TTBK2: variants seen among roughly 807,000 people sequenced by gnomAD.
The protein encoded by TTBK2 is tau tubulin kinase 2.
In TTBK2, 28 loss-of-function variants were observed where a neutral mutation model predicts 110.8. That is an observed-to-expected ratio of 0.25 (90% CI 0.19 to 0.35). TTBK2 has a LOEUF of 0.35. TTBK2 is among the 10% of genes least tolerant of loss of function. The pLI is 1.00. For synonymous variants in TTBK2, 532 were observed against 527.3 expected (o/e 1.01, Z -0.12); for missense variants, 1,369 against 1,500.3 (o/e 0.91, Z 1.45).
intron 13 of TTBK2, among the ~76,000 whole-genome samples, chr15:42,762,321 T>C (rs562991578): frequency 6.6e-6 from 1 of 152,170 alleles, no homozygotes; most frequent in Admixed American, 6.5e-5. Flanking sequence ...GATCAGTATA[T>C]TGAAGAGATA....
chr15:42,785,491 G>T (rs1272336180), intron 10 of TTBK2, among the ~76,000 whole-genome samples: 1 of 152,148 alleles, frequency 6.6e-6, no homozygotes, highest in Non-Finnish European at 1.5e-5. Context: ...GGAAATTCTT[G>T]CCCTAGAGGG....
intron 1 of TTBK2, among the ~76,000 whole-genome samples, chr15:42,884,470 T>C (rs976667554): frequency 1.3e-5 from 2 of 152,160 alleles, no homozygotes; most frequent in Non-Finnish European, 2.9e-5. Flanking sequence ...TCCAGATAGA[T>C]AAAAGATGAT....
intron 1 of TTBK2, among the ~76,000 whole-genome samples, chr15:42,902,630 C>G (rs1028850434): frequency 2.6e-5 from 4 of 152,096 alleles, no homozygotes; most frequent in African/African-American, 9.7e-5. Flanking sequence ...AAATTAGAGC[C>G]ATTCTGCATT....
intron 1 of TTBK2, among the ~76,000 whole-genome samples, chr15:42,916,581 T>C (rs998777317): frequency 2.2e-4 from 33 of 152,190 alleles, no homozygotes; most frequent in African/African-American, 7.5e-4. Flanking sequence ...ATTACCTACC[T>C]TGGCCTCCCA....
At chr15:42,842,088 G>T (rs1199795683) in intron 3 of TTBK2, among the ~76,000 whole-genome samples, 1 of 152,114 alleles carries the variant, frequency 6.6e-6, no homozygotes, top group East Asian at 1.9e-4. Flanking sequence ...TTAAAGACAG[G>T]GTCTCAATAT....
chr15:42,817,071 C>T lies in TTBK2; in HGVS notation c.564G>A (p.Gly188=). Residue 188 remains glycine (G), a synonymous_variant, in exon 7 of 15, where the codon GGG becomes GGA. Coordinates refer to ENST00000267890, the MANE Select transcript of TTBK2 (RefSeq NM_173500.4). ...CGTTGATTGATGCATAACGAACTGTCCCTCGAAAACCTGCCACAGCTCGAG... is the reference window on the plus strand; with the variant it reads ...CGTTGATTGATGCATAACGAACTGTTCCTCGAAAACCTGCCACAGCTCGAG... ...RPPRAVAGFR[G]TVRYASINAH... 1 of 1,608,476 alleles carries T rather than the reference C, an allele frequency of 6.2e-7. No homozygotes were observed. The highest frequency in any genetic ancestry group is 1.3e-5 in the African/African-American group (1 of 74,788).
At chr15:42,812,354 T>C (rs1314238639) in intron 7 of TTBK2, among the ~76,000 whole-genome samples, 1 of 149,764 alleles carries the variant, frequency 6.7e-6, no homozygotes, top group African/African-American at 2.5e-5. Flanking sequence ...AAGAAAAAAA[T>C]GAGTTTTAAA....
chr15:42,805,178 C>T (rs1227299423), intron 9 of TTBK2, among the ~76,000 whole-genome samples: 1 of 152,118 alleles, frequency 6.6e-6, no homozygotes, highest in East Asian at 1.9e-4. Flanking sequence ...GGTTTACATT[C>T]AATAGAAGCA....
At chr15:42,763,535 A>G (rs1018225916) in intron 13 of TTBK2, among the ~76,000 whole-genome samples, 4 of 151,880 alleles carry the variant, frequency 2.6e-5, no homozygotes, top group Non-Finnish European at 5.9e-5. Flanking sequence ...ATTTTCAAAT[A>G]GATAGAAGAA....
At chr15:42,768,068 C>T (rs1054517565) in intron 13 of TTBK2, among the ~76,000 whole-genome samples, 13 of 152,208 alleles carry the variant, frequency 8.5e-5, no homozygotes, top group Admixed American at 3.9e-4. Flanking sequence ...AACAGCCCTT[C>T]GTGCTAAAAA....
chr15:42,907,907 C>CAAA (rs1283939502), intron 1 of TTBK2, among the ~76,000 whole-genome samples: 83 of 121,448 alleles, frequency 6.8e-4, no homozygotes, highest in African/African-American at 2.4e-3. Flanking sequence ...CCCATCTCTA[C>CAAA]AAAAAAAAAA....
intron 1 of TTBK2, among the ~76,000 whole-genome samples, chr15:42,908,670 A>G (rs921582840): frequency 2.0e-5 from 3 of 152,202 alleles, no homozygotes; most frequent in African/African-American, 7.2e-5. Context: ...TCCAGTGTAC[A>G]TGCCAAGGGA....
chr15:42,818,451 G>GGC (rs1691635901), intron 6 of TTBK2, among the ~76,000 whole-genome samples: 1 of 152,146 alleles, frequency 6.6e-6, no homozygotes, highest in African/African-American at 2.4e-5. Context: ...CAGGCGTGGT[G>GGC]GCTCACGCCT....
chr15:42,847,774 A>G (rs889618264), intron 3 of TTBK2, among the ~76,000 whole-genome samples: 1 of 152,220 alleles, frequency 6.6e-6, no homozygotes, highest in Non-Finnish European at 1.5e-5. Context: ...CACTTGATCT[A>G]TATGTCTATC....
At chr15:42,811,658 C>T in intron 8 of TTBK2, 30 bp downstream of exon 8, 4 of 1,577,780 alleles carry the variant, frequency 2.5e-6, no homozygotes, top group Non-Finnish European at 3.5e-6. Flanking sequence ...TTTCTTCTAC[C>T]ACAATTGACA....
At chr15:42,896,676 C>A (rs553341010) in intron 1 of TTBK2, among the ~76,000 whole-genome samples, 1 of 152,166 alleles carries the variant, frequency 6.6e-6, no homozygotes, top group African/African-American at 2.4e-5. Context: ...TGCCTGTAGT[C>A]CCAGCTACTG....
At chr15:42,851,958 G>T (rs569120682) in intron 3 of TTBK2, among the ~76,000 whole-genome samples, 5 of 152,134 alleles carry the variant, frequency 3.3e-5, no homozygotes, top group African/African-American at 1.2e-4. Flanking sequence ...ATATATGAAT[G>T]ATACTAAAAC....
At chr15:42,914,491 T>G (rs2030971753) in intron 1 of TTBK2, among the ~76,000 whole-genome samples, 1 of 152,186 alleles carries the variant, frequency 6.6e-6, no homozygotes, top group South Asian at 2.1e-4. Flanking sequence ...TAAGTTCTCA[T>G]GGTTCAAACA....
At chr15:42,895,101 C>T (rs1340823875) in intron 1 of TTBK2, among the ~76,000 whole-genome samples, 1 of 152,132 alleles carries the variant, frequency 6.6e-6, no homozygotes. Flanking sequence ...AAAGTTCACA[C>T]AAACTGTCAG....
Sources: gnomAD v4.1 joint callset for allele counts (sites outside exome capture counted in the v4.1 genomes callset) on GRCh38, gnomAD v4.1.1 for gene constraint, MANE v1.5 for transcripts, NCBI Gene and HGNC (gene_info 2026-07-23, HGNC 2026-07-21) for gene names.